RGR: variants seen among roughly 807,000 people sequenced by gnomAD.
RGR encodes retinal G protein coupled receptor, also known as RPE-retinal G protein-coupled receptor.
A neutral mutation model predicts 28.6 loss-of-function variants in RGR; 30 were observed. That is an observed-to-expected ratio of 1.05 (90% confidence interval 0.78 to 1.42). The LOEUF is 1.42. Ranked by LOEUF, RGR falls within the 40% of genes most tolerant of loss-of-function variation. The pLI, the probability that RGR is intolerant of heterozygous loss-of-function variation, is 0.00. For missense variants in RGR, 404 were observed against 375.6 expected, an observed-to-expected ratio of 1.08 and a Z score of -0.62; for synonymous variants, 180 against 156.4, an observed-to-expected ratio of 1.15 and a Z score of -1.13.
At chr10:84,256,921 T>G (rs1270209178) in intron 5 of RGR, among the ~76,000 whole-genome samples, 2 of 151,938 alleles carry the variant, frequency 1.3e-5, no homozygotes, top group African/African-American at 4.8e-5. Context: ...CCCCAGGGGA[T>G]TCCACGTCTT....
intron 3 of RGR, among the ~76,000 whole-genome samples, chr10:84,251,831 A>C (rs904391095): frequency 6.6e-6 from 1 of 152,150 alleles, no homozygotes; most frequent in African/African-American, 2.4e-5. Context: ...TTCAACATAT[A>C]AATTTGAGGG....
In RGR at chr10:84,247,787, G is replaced by A. The variant is rs189510181; in HGVS notation, c.236+40G>A. The A allele has an allele frequency of 1.9e-6, 3 of 1,613,424 alleles. No individual in the cohort carries two copies. In the Admixed American group the frequency reaches 5.0e-5, roughly 27 times the overall value. ...CCCAGTCCACAGGCTCTGGGGTCCT[G>A]CCTGGGGCCTGACCCCTGGGCCCTG... On this transcript the variant is annotated intron_variant, in intron 2 of 6. Transcript: ENST00000652092.
At position 84,245,074 on chromosome 10, in the gene RGR, A is replaced by G. The variant is rs377314145; in HGVS notation, c.-17A>G. The G allele has an allele frequency of 1.2e-4, 189 of 1,613,226 alleles. 1 individual carries two copies. The highest frequency in any genetic ancestry group is 3.4e-4 in the Middle Eastern group (2 of 5,940). On this transcript the variant is annotated 5_prime_UTR_variant, in exon 1 of 7. Coordinates refer to ENST00000652092, the MANE Select transcript of RGR (RefSeq NM_001012720.2). The stretch of plus-strand genomic sequence containing the variant: ...AGCCAGAGACAGCTGGGCCACTGGC[A>G]GTGAGGGAGAGTGAGGATGGCAGAG...
intron 3 of RGR, among the ~76,000 whole-genome samples, chr10:84,250,221 C>T (rs1213054674): frequency 6.6e-6 from 1 of 152,128 alleles, no homozygotes; most frequent in African/African-American, 2.4e-5. Flanking sequence ...TGAATTTGTC[C>T]AGCACAGAGG....
Position 84,247,454 on chromosome 10 carries a change from T to A in RGR, c.80-137T>A. Reference sequence around the variant, plus strand: ...GTCAGTGATTATGACTGTTATAGCATGAAGCATGCTACCCTATATTGATTG... The same window carrying A: ...GTCAGTGATTATGACTGTTATAGCAAGAAGCATGCTACCCTATATTGATTG... On this transcript the variant is annotated intron_variant, in intron 1 of 6. Coordinates refer to ENST00000652092, the MANE Select transcript of RGR (RefSeq NM_001012720.2). The A allele has an allele frequency of 3.8e-6, 4 of 1,054,622 alleles. No homozygotes were observed. In the Admixed American group the frequency reaches 6.8e-5, roughly 18 times the overall value. The allele number at this position is 1,054,622 out of a possible 1,614,324, so 65.3% of individuals were successfully genotyped here. A position where few individuals can be genotyped will look rare whatever the true frequency, so the allele number is the denominator to read the frequency against.
At chr10:84,247,178 T>TA (rs1049114453) in intron 1 of RGR, among the ~76,000 whole-genome samples, 1 of 152,162 alleles carries the variant, frequency 6.6e-6, no homozygotes, top group African/African-American at 2.4e-5. Context: ...TAACATCGAC[T>TA]CTTCTCCTTG....
At chr10:84,253,285 T>A (rs556010445) in intron 4 of RGR, among the ~76,000 whole-genome samples, 1 of 152,240 alleles carries the variant, frequency 6.6e-6, no homozygotes, top group East Asian at 1.9e-4. Flanking sequence ...TTGGCTTGTG[T>A]CAGTGGTAAC....
At chr10:84,258,453 A>C in intron 6 of RGR, 55 bp from the exon 7 acceptor site, 1 of 1,613,698 alleles carries the variant, frequency 6.2e-7, no homozygotes, top group Non-Finnish European at 8.5e-7. Context: ...AGGTGAGACC[A>C]GAGAGAGGAT....
chr10:84,252,884 T>A lies in RGR; in HGVS notation c.386T>A (p.Val129Asp). 6.2e-7 allele frequency: 1 copy of A among 1,614,128 alleles called. No homozygotes were observed. Among genetic ancestry groups the A allele is most frequent in the South Asian group, 1.1e-5 (1 of 91,080 alleles). Residue 129 changes from valine to aspartate, a missense_variant, in exon 4 of 7, where the codon GTC becomes GAC. Physicochemically the swap from Val to Asp is radical, Grantham distance 152. Coordinates refer to ENST00000652092, the MANE Select transcript of RGR (RefSeq NM_001012720.2). ...AGCCAGCTGGCCTGGAACTCAGCCG[T>A]CTCTCTGGTGCTCTTCGTGTGGCTG... ...TRSQLAWNSA[V>D]SLVLFVWLSS...
At chr10:84,248,121 A>G (rs1048013705) in intron 2 of RGR, 2 of 726,792 alleles carry the variant, frequency 2.8e-6, no homozygotes, top group Non-Finnish European at 4.1e-6. Context: ...ATTATGTGTA[A>G]ATAACTTAAA....
chr10:84,247,533 G>C (rs1842761356), intron 1 of RGR, 58 bp from the exon 2 acceptor site: 2 of 1,605,912 alleles, frequency 1.2e-6, no homozygotes, highest in South Asian at 1.1e-5. Context: ...CACACACACT[G>C]TTCTGACCCC....
At chr10:84,252,816 C>T in intron 3 of RGR, 41 bp from the exon 4 acceptor site, 2 of 1,613,506 alleles carry the variant, frequency 1.2e-6, no homozygotes, top group Non-Finnish European at 1.7e-6. Context: ...ATCAGGCCAT[C>T]TCCTCCTCAC....
Position 84,257,977 on chromosome 10 carries a change from G to A in RGR, c.715G>A (p.Val239Met), listed in dbSNP as rs1220556398. ...ILYLYAVIAD[V>M]TSISPKLQMV... ...GTATCTATACGCAGTCATCGCAGAC[G>A]TGACTTCCATCTCCCCCAAACTGCA... Residue 239 changes from valine to methionine, a missense_variant, in exon 6 of 7, where the codon GTG (valine) becomes ATG (methionine). Coordinates refer to ENST00000652092, the MANE Select transcript of RGR (RefSeq NM_001012720.2). 4 of 1,614,130 alleles carry A rather than the reference G, an allele frequency of 2.5e-6. No homozygotes were observed. The highest frequency in any genetic ancestry group is 2.5e-6 in the Non-Finnish European group (3 of 1,180,030).
chr10:84,248,786 G>A, intron 2 of RGR, 136 bp from the exon 3 acceptor site: 5 of 1,531,116 alleles, frequency 3.3e-6, no homozygotes, highest in South Asian at 1.1e-5. Flanking sequence ...CGCCTCATAG[G>A]AAAGACACCA....
At position 84,248,942 on chromosome 10, in the gene RGR, A is replaced by G. The variant is rs747609842; in HGVS notation, c.257A>G (p.Asp86Gly). 2 of 1,614,040 alleles carry G rather than the reference A, an allele frequency of 1.2e-6. No individual in the cohort carries two copies. The highest frequency in any genetic ancestry group is 2.2e-5 in the South Asian group (2 of 91,076). The stretch of plus-strand genomic sequence containing the variant: ...CACAGGCGCTGGCCCTACGGCTCGG[A>G]CGGCTGCCAGGCTCACGGCTTCCAG... ...SLLRRWPYGS[D>G]GCQAHGFQGF... Residue 86 changes from aspartate (D) to glycine (G), a missense_variant, in exon 3 of 7, where the codon GAC becomes GGC. By Grantham distance (94) the Asp-to-Gly change is moderately conservative. Transcript: ENST00000652092.
At position 84,248,031 on chromosome 10, in the gene RGR, A is replaced by G. The variant is rs1318022984; in HGVS notation, c.236+284A>G. 2.2e-5 allele frequency: 13 copies of G among 593,672 alleles called. No individual in the cohort carries two copies. The East Asian group carries it at 4.5e-4, about 21-fold the overall frequency. 36.8% of individuals were successfully genotyped at this position (593,672 alleles called of 1,614,324 possible). On this transcript the variant is annotated intron_variant, in intron 2 of 6. Coordinates refer to ENST00000652092, the MANE Select transcript of RGR (RefSeq NM_001012720.2). ...CAACCTAGGTTTGCATTCTGGCTTC[A>G]GCATTTCTAGTTCTGGGCTTCTTCC...
At chr10:84,257,865 G>C in intron 5 of RGR, 28 bp from the exon 6 acceptor site, 2 of 1,606,534 alleles carry the variant, frequency 1.2e-6, no homozygotes, top group Middle Eastern at 1.8e-4. Context: ...GGAGCAAGCT[G>C]ACATCTCCTG....
intron 2 of RGR, chr10:84,248,057 A>G (rs1255794780): frequency 5.3e-6 from 3 of 569,250 alleles, no homozygotes; most frequent in South Asian, 2.0e-5. Context: ...GGCTTCTTCC[A>G]TAAATCGGAT....
rs760477854 is a variant in RGR, at chr10:84,258,543, C to T, written c.780C>T (p.Ile260=). The stretch of plus-strand genomic sequence containing the variant: ...TCATTGCCAAAATGGTGCCCACGAT[C>T]AATGCCATCAACTATGCCCTGGGCA... ...PALIAKMVPT[I]NAINYALGNE... Residue 260 remains isoleucine (I), a synonymous_variant, in exon 7 of 7, where the codon ATC becomes ATT. Coordinates refer to ENST00000652092, the MANE Select transcript of RGR (RefSeq NM_001012720.2). 2.0e-5 allele frequency: 33 copies of T among 1,614,218 alleles called. 1 individual carries two copies. The South Asian group carries it at 2.5e-4, about 12-fold the overall frequency.
Sources: gnomAD v4.1 joint callset for allele counts (sites outside exome capture counted in the v4.1 genomes callset) on GRCh38, gnomAD v4.1.1 for gene constraint, MANE v1.5 for transcripts, NCBI Gene and HGNC (gene_info 2026-07-23, HGNC 2026-07-21) for gene names.